Variants in CEP170 observed in about 807,000 individuals in gnomAD.
CEP170 encodes centrosomal protein of 170 kDa.
Under a neutral mutation model 151.9 loss-of-function variants are expected in CEP170, and 21 were observed. That is an observed-to-expected ratio of 0.14 (90% CI 0.10 to 0.20). The LOEUF is 0.20. CEP170 is among the 10% of genes least tolerant of loss of function. The pLI is 1.00. For synonymous variants in CEP170, 356 were observed against 648.8 expected (o/e 0.55, Z 6.86); for missense variants, 964 against 1,892.9 (o/e 0.51, Z 9.11).
intron 14 of CEP170, among the ~76,000 whole-genome samples, chr1:243,144,388 C>T (rs1193004177): frequency 6.6e-6 from 1 of 152,190 alleles, no homozygotes; most frequent in African/African-American, 2.4e-5. Flanking sequence ...CTATGTCATG[C>T]TACATCTCAC....
intron 1 of CEP170, among the ~76,000 whole-genome samples, chr1:243,242,787 G>A (rs994547369): frequency 2.0e-5 from 3 of 151,412 alleles, no homozygotes; most frequent in Non-Finnish European, 4.4e-5. Flanking sequence ...TGCAACCTCC[G>A]CCTCCCAGGT....
intron 1 of CEP170, among the ~76,000 whole-genome samples, chr1:243,250,069 CA>C (rs887295590): frequency 1.1e-4 from 17 of 151,648 alleles, no homozygotes; most frequent in African/African-American, 4.1e-4. Context: ...GACTCCGTCT[CA>C]AAAAAACAAA....
chr1:243,129,831 G>A (rs560392471), intron 17 of CEP170, among the ~76,000 whole-genome samples: 29 of 151,578 alleles, frequency 1.9e-4, no homozygotes, highest in Non-Finnish European at 2.7e-4. Flanking sequence ...AGCATGGTCC[G>A]TAACTATTAC....
intron 1 of CEP170, among the ~76,000 whole-genome samples, chr1:243,241,459 TATG>T (rs758545377): frequency 4.7e-4 from 71 of 152,280 alleles, no homozygotes; most frequent in South Asian, 2.1e-3. Context: ...AAGGTGATGA[TATG>T]ATGAGAGCTA....
At chr1:243,153,274 T>G (rs2057277597) in intron 14 of CEP170, among the ~76,000 whole-genome samples, 1 of 152,192 alleles carries the variant, frequency 6.6e-6, no homozygotes, top group South Asian at 2.1e-4. Flanking sequence ...GGTGAAGCTG[T>G]TGTGAGCACT....
At chr1:243,232,140 A>AT (rs1296962571) in intron 1 of CEP170, among the ~76,000 whole-genome samples, 3 of 151,700 alleles carry the variant, frequency 2.0e-5, no homozygotes, top group Non-Finnish European at 2.9e-5. Flanking sequence ...TAATTTTTGT[A>AT]TTTTTTTAGA....
At chr1:243,151,293 A>G (rs1442762616) in intron 14 of CEP170, among the ~76,000 whole-genome samples, 1 of 149,708 alleles carries the variant, frequency 6.7e-6, no homozygotes, top group Non-Finnish European at 1.5e-5. Flanking sequence ...CATCTGATCA[A>G]CCATGGAACC....
intron 1 of CEP170, among the ~76,000 whole-genome samples, chr1:243,234,500 A>T (rs113500542): frequency 6.6e-6 from 1 of 152,366 alleles, no homozygotes; most frequent in African/African-American, 2.4e-5. Context: ...CAAAATTGTA[A>T]TCTGAACCAG....
intron 10 of CEP170, among the ~76,000 whole-genome samples, chr1:243,179,694 G>C (rs2059495190): frequency 6.6e-6 from 1 of 152,138 alleles, no homozygotes; most frequent in Non-Finnish European, 1.5e-5. Flanking sequence ...GCTAACAAAT[G>C]AAAAAGCAGG....
At chr1:243,170,788 C>T (rs35894575) in intron 11 of CEP170, among the ~76,000 whole-genome samples, 3 of 152,070 alleles carry the variant, frequency 2.0e-5, no homozygotes, top group East Asian at 1.9e-4. Flanking sequence ...AGGGAGACTC[C>T]GTCTCAAAAA....
intron 7 of CEP170, among the ~76,000 whole-genome samples, chr1:243,197,743 A>C (rs924569631): frequency 2.6e-5 from 4 of 152,052 alleles, no homozygotes; most frequent in Non-Finnish European, 5.9e-5. Flanking sequence ...TGAAGTAAAC[A>C]ACCCTCATGG....
intron 1 of CEP170, among the ~76,000 whole-genome samples, chr1:243,240,451 C>T (rs1260765896): frequency 6.6e-6 from 1 of 152,140 alleles, no homozygotes; most frequent in African/African-American, 2.4e-5. Context: ...ACCTTATTTC[C>T]CTAGAAGACA....
At chr1:243,153,463 C>G (rs933933195) in intron 14 of CEP170, among the ~76,000 whole-genome samples, 6 of 152,192 alleles carry the variant, frequency 3.9e-5, no homozygotes. Flanking sequence ...ATCAACGTGG[C>G]AGACTTCACT....
intron 14 of CEP170, among the ~76,000 whole-genome samples, chr1:243,143,706 C>A (rs2056148043): frequency 2.1e-5 from 3 of 142,982 alleles, no homozygotes; most frequent in Non-Finnish European, 3.1e-5. Flanking sequence ...CTTCAAAATC[C>A]AAAGGAAATA....
At chr1:243,137,744 CGGCCTGGT>C (rs1558384172) in intron 16 of CEP170, among the ~76,000 whole-genome samples, 1 of 150,184 alleles carries the variant, frequency 6.7e-6, no homozygotes, top group African/African-American at 2.5e-5. Flanking sequence ...CACTGCCCTC[CGGCCTGGT>C]GACAAAGCGA....
intron 8 of CEP170, among the ~76,000 whole-genome samples, chr1:243,187,788 A>C (rs2060029020): frequency 6.6e-6 from 1 of 152,222 alleles, no homozygotes; most frequent in Non-Finnish European, 1.5e-5. Context: ...GTGGTGCATA[A>C]AAGGAATGAG....
intron 1 of CEP170, among the ~76,000 whole-genome samples, chr1:243,232,748 T>C (rs1323115933): frequency 6.6e-6 from 1 of 152,154 alleles, no homozygotes; most frequent in Non-Finnish European, 1.5e-5. Flanking sequence ...GTAGATGCCA[T>C]GACAGAGATA....
chr1:243,137,285 T>C (rs1215917203), intron 16 of CEP170, among the ~76,000 whole-genome samples: 3 of 152,216 alleles, frequency 2.0e-5, no homozygotes, highest in Non-Finnish European at 4.4e-5. Context: ...GGTTTCAAAA[T>C]GAACTCCTTA....
At chr1:243,148,904 T>A (rs370173185) in intron 14 of CEP170, among the ~76,000 whole-genome samples, 1 of 151,944 alleles carries the variant, frequency 6.6e-6, no homozygotes, top group East Asian at 1.9e-4. Context: ...GCAACAAAAG[T>A]ATGGAGAACT....
Sources: allele counts gnomAD v4.1 joint callset (sites outside exome capture counted in the v4.1 genomes callset), GRCh38; gene constraint gnomAD v4.1.1; transcripts MANE v1.5; gene names NCBI Gene and HGNC (gene_info 2026-07-23, HGNC 2026-07-21).